Variants in KLF13 observed in about 807,000 individuals in gnomAD.
The protein encoded by KLF13 is KLF transcription factor 13, also known as Krueppel-like factor 13.
KLF13 carries 8 observed loss-of-function variants against 16.7 expected under a neutral mutation model. That is an observed-to-expected ratio of 0.48 (90% CI 0.28 to 0.87). The LOEUF is 0.87. Among genes scored for constraint, KLF13 ranks in the 40% least tolerant of loss-of-function variants. The pLI is 0.10. For synonymous variants in KLF13, 245 were observed against 208.4 expected, an observed-to-expected ratio of 1.18 and a Z score of -1.51; for missense variants, 447 against 452.2, an observed-to-expected ratio of 0.99 and a Z score of 0.10.
chr15:31,395,279 C>T (rs2039939448), intron 2 of KLF13, among the ~76,000 whole-genome samples: 2 of 152,142 alleles, frequency 1.3e-5, no homozygotes, highest in South Asian at 4.1e-4. Context: ...TGTGCCCGGC[C>T]CCTACTCACT....
At chr15:31,360,880 CTG>C (rs1037449997) in intron 1 of KLF13, among the ~76,000 whole-genome samples, 2 of 152,202 alleles carry the variant, frequency 1.3e-5, no homozygotes, top group Non-Finnish European at 2.9e-5. Flanking sequence ...CCTGAGAAAA[CTG>C]AGCCTGCTGT....
intron 1 of KLF13, among the ~76,000 whole-genome samples, chr15:31,427,774 G>A (rs1287228604): frequency 6.6e-6 from 1 of 152,200 alleles, no homozygotes; most frequent in East Asian, 1.9e-4. Context: ...CAATCATGGT[G>A]GAAGGCAAAT....
At chr15:31,329,404 T>C (rs1463563718) in intron 1 of KLF13, among the ~76,000 whole-genome samples, 2 of 151,898 alleles carry the variant, frequency 1.3e-5, no homozygotes, top group Admixed American at 1.3e-4. Context: ...GCAGGATACT[T>C]AATGTTTGGG....
At chr15:31,337,008 C>T (rs2038939953) in intron 1 of KLF13, among the ~76,000 whole-genome samples, 1 of 152,226 alleles carries the variant, frequency 6.6e-6, no homozygotes, top group Non-Finnish European at 1.5e-5. Context: ...GAGCATTTGG[C>T]AGGCTCTCCA....
intron 1 of KLF13, among the ~76,000 whole-genome samples, chr15:31,371,031 G>A (rs764303506): frequency 1.3e-5 from 2 of 152,094 alleles, no homozygotes; most frequent in Non-Finnish European, 2.9e-5. Context: ...GGGTCTGTAT[G>A]GGGGTGAGAG....
chr15:31,383,235 G>A (rs977693518), intron 1 of KLF13, among the ~76,000 whole-genome samples: 1 of 152,316 alleles, frequency 6.6e-6, no homozygotes. Flanking sequence ...ACTCCAGTGG[G>A]TTTTCTGAGA....
chr15:31,371,109 G>T (rs2039548979), intron 1 of KLF13, among the ~76,000 whole-genome samples: 1 of 152,172 alleles, frequency 6.6e-6, no homozygotes, highest in South Asian at 2.1e-4. Context: ...CGTTTCTGGG[G>T]TGCCAGAGCC....
chr15:31,351,567 TC>T (rs2039217761), intron 1 of KLF13, among the ~76,000 whole-genome samples: 1 of 152,170 alleles, frequency 6.6e-6, no homozygotes, highest in African/African-American at 2.4e-5. Context: ...CAGGGGGAGT[TC>T]CCAGGAGCCT....
intron 1 of KLF13, among the ~76,000 whole-genome samples, chr15:31,335,586 C>A (rs925042828): frequency 3.3e-5 from 5 of 152,108 alleles, no homozygotes; most frequent in Non-Finnish European, 5.9e-5. Flanking sequence ...ACAAACAAGA[C>A]AGCACACTTG....
chr15:31,351,985 C>T (rs546151284), intron 1 of KLF13, among the ~76,000 whole-genome samples: 7 of 151,570 alleles, frequency 4.6e-5, no homozygotes, highest in African/African-American at 1.7e-4. Flanking sequence ...GCACTCCAGC[C>T]TGAGCAACAG....
At chr15:31,412,017 T>A (rs1471550380) in intron 1 of KLF13, among the ~76,000 whole-genome samples, 1 of 152,212 alleles carries the variant, frequency 6.6e-6, no homozygotes, top group East Asian at 1.9e-4. Flanking sequence ...TAAATGTTAG[T>A]GTCTCCCAGG....
chr15:31,354,268 G>A (rs184489853), intron 1 of KLF13, among the ~76,000 whole-genome samples: 24 of 152,378 alleles, frequency 1.6e-4, no homozygotes, highest in African/African-American at 4.3e-4. Flanking sequence ...GTGTGCTGGT[G>A]AGCAGGCCTG....
intron 1 of KLF13, among the ~76,000 whole-genome samples, chr15:31,341,173 T>C (rs1210857302): frequency 2.0e-5 from 3 of 152,226 alleles, no homozygotes; most frequent in Admixed American, 2.0e-4. Flanking sequence ...TTCTTTGTTA[T>C]CTAAACAGAG....
At chr15:31,335,160 A>G (rs747033472) in intron 1 of KLF13, among the ~76,000 whole-genome samples, 1 of 152,060 alleles carries the variant, frequency 6.6e-6, no homozygotes, top group East Asian at 1.9e-4. Flanking sequence ...CATAGTGGCT[A>G]TGTGGAACTT....
upstream of KLF13, among the ~76,000 whole-genome samples, chr15:31,390,208 C>G (rs1476648894): frequency 6.6e-6 from 1 of 152,150 alleles, no homozygotes; most frequent in Non-Finnish European, 1.5e-5. Context: ...GAGCACAGCC[C>G]CGGACTCCCT....
At chr15:31,329,158 G>A (rs531356778) in intron 1 of KLF13, among the ~76,000 whole-genome samples, 1 of 152,002 alleles carries the variant, frequency 6.6e-6, no homozygotes, top group South Asian at 2.1e-4. Flanking sequence ...GGGTGAGAGC[G>A]GGGCCATTTC....
At chr15:31,401,101 G>A (rs578180931) in intron 2 of KLF13, among the ~76,000 whole-genome samples, 31 of 152,198 alleles carry the variant, frequency 2.0e-4, no homozygotes, top group South Asian at 1.9e-3. Context: ...CCTCCCGGGA[G>A]CAAGCTATTC....
chr15:31,330,390 G>A (rs1207148868), intron 1 of KLF13, among the ~76,000 whole-genome samples: 1 of 152,226 alleles, frequency 6.6e-6, no homozygotes, highest in Admixed American at 6.5e-5. Flanking sequence ...CATGGCAGAG[G>A]GTGAATATCA....
intron 1 of KLF13, among the ~76,000 whole-genome samples, chr15:31,370,051 T>C (rs112946535): frequency 6.8e-4 from 102 of 150,250 alleles, no homozygotes; most frequent in East Asian, 6.0e-3. Context: ...TTTCTTTTTT[T>C]TTTTTTTTTT....
Sources: allele counts gnomAD v4.1 joint callset (sites outside exome capture counted in the v4.1 genomes callset), GRCh38; gene constraint gnomAD v4.1.1; transcripts MANE v1.5; gene names NCBI Gene and HGNC (gene_info 2026-07-23, HGNC 2026-07-21).